ZDHHC21: variants seen among roughly 807,000 people sequenced by gnomAD.
ZDHHC21 encodes the protein palmitoyltransferase ZDHHC21.
Under a neutral mutation model 34.6 loss-of-function variants are expected in ZDHHC21, and 15 were observed. That is an observed-to-expected ratio of 0.43 (90% CI 0.29 to 0.67). The LOEUF is 0.67. ZDHHC21 is among the 30% of genes least tolerant of loss of function. The pLI, the probability that ZDHHC21 is intolerant of heterozygous loss-of-function variation, is 0.14. For synonymous variants in ZDHHC21, 142 were observed against 101.8 expected (o/e 1.40, Z -2.38); for missense variants, 344 against 327.7 (o/e 1.05, Z -0.38).
chr9:14,658,826 C>G lies in ZDHHC21; in HGVS notation c.427G>C (p.Glu143Gln), dbSNP rs1474288615. The G allele has an allele frequency of 6.2e-7, 1 of 1,613,556 alleles. No individual in the cohort carries two copies. Among genetic ancestry groups the G allele is most frequent in the South Asian group, 1.1e-5 (1 of 91,034 alleles). ...ATCAGTGCGTAGCAAGTAAGAAGTT[C>G]AGTGTAGAAACACAACTGCAGAAAG... is the stretch of plus-strand genomic sequence containing the variant. ...WLFLQLCFYT[E>Q]LLTCYALMFS... The change falls in exon 7 of 10, where the codon GAA (glutamate) becomes CAA (glutamine). Residue 143 changes from glutamate to glutamine, a missense_variant. Glu to Gln is a conservative substitution (Grantham distance 29). Transcript: ENST00000380916.
chr9:14,607,212 C>A (rs192894703), downstream of ZDHHC21, among the ~76,000 whole-genome samples: 7 of 151,872 alleles, frequency 4.6e-5, no homozygotes, highest in African/African-American at 1.4e-4. Context: ...GTTTGTGAGG[C>A]CAAGGCGGGC....
chr9:14,677,309 AACTT>A (rs1377434395), intron 3 of ZDHHC21: 1 of 151,942 alleles, frequency 6.6e-6, no homozygotes, highest in Non-Finnish European at 1.5e-5. Flanking sequence ...TGATTGGTAA[AACTT>A]AGCTCCACAT....
rs1208533270 is a variant in ZDHHC21 at position 14,617,087 on chromosome 9, T to C, written c.*1879A>G. The C allele has an allele frequency of 6.6e-6, 1 of 151,958 alleles. No homozygotes were observed. The highest frequency in any genetic ancestry group is 2.4e-5 in the African/African-American group (1 of 41,440). 9.4% of individuals were successfully genotyped at this position (151,958 alleles called of 1,614,324 possible). A position where few individuals can be genotyped will look rare whatever the true frequency, so the allele number is the denominator to read the frequency against. ...TATACAATATAAGGCATTCAACTGA[T>C]ATCTACCTACCTTATCTATATATTA... On this transcript the variant is annotated 3_prime_UTR_variant, in exon 10 of 10. Transcript: ENST00000380916.
chr9:14,676,123 A>G (rs1217447142), intron 3 of ZDHHC21, among the ~76,000 whole-genome samples: 1 of 152,036 alleles, frequency 6.6e-6, no homozygotes, highest in African/African-American at 2.4e-5. Context: ...AAATTACTGA[A>G]GCTCTGGTGT....
the ZDHHC21 span, among the ~76,000 whole-genome samples, chr9:14,605,969 G>A: frequency 2.0e-5 from 3 of 151,926 alleles, no homozygotes; most frequent in Admixed American, 6.6e-5. Flanking sequence ...GGATTCAAGG[G>A]CATAATAGTT....
chr9:14,622,457 G>T, intron 8 of ZDHHC21: 2 of 911,176 alleles, frequency 2.2e-6, no homozygotes, highest in Non-Finnish European at 2.6e-6. Flanking sequence ...ATATCTCTTG[G>T]CTTGATGTTA....
intron 6 of ZDHHC21, among the ~76,000 whole-genome samples, chr9:14,659,169 T>C (rs1416570041): frequency 6.6e-6 from 1 of 152,092 alleles, no homozygotes; most frequent in African/African-American, 2.4e-5. Context: ...CCTGTGTCAC[T>C]GATATGGAAA....
chr9:14,637,915 T>G (rs963153318), intron 8 of ZDHHC21, among the ~76,000 whole-genome samples: 1 of 152,002 alleles, frequency 6.6e-6, no homozygotes, highest in East Asian at 1.9e-4. Context: ...CCCATGATAA[T>G]GGATCAGAAG....
chr9:14,589,334 G>A, the ZDHHC21 span: 2 of 152,170 alleles, frequency 1.3e-5, no homozygotes, highest in Admixed American at 6.5e-5. Context: ...TTGGCTGACA[G>A]GTGGTATAGT....
the ZDHHC21 span, among the ~76,000 whole-genome samples, chr9:14,590,300 G>A: frequency 2.0e-5 from 3 of 152,144 alleles, no homozygotes; most frequent in South Asian, 4.2e-4. Context: ...AGTAAGCTAG[G>A]TGACAATACT....
chr9:14,602,939 A>C, the ZDHHC21 span, among the ~76,000 whole-genome samples: 4 of 150,120 alleles, frequency 2.7e-5, no homozygotes, highest in South Asian at 4.2e-4. Context: ...AAAAAAAAAA[A>C]AAAAAAAAAA....
the ZDHHC21 span, among the ~76,000 whole-genome samples, chr9:14,602,179 G>A: frequency 0.08 from 12,111 of 151,298 alleles, 1,313 homozygotes; most frequent in African/African-American, 0.25. Flanking sequence ...CAGAAATATC[G>A]GAACTGAAGA....
intron 7 of ZDHHC21, among the ~76,000 whole-genome samples, chr9:14,643,646 G>C (rs1284419905): frequency 1.3e-5 from 2 of 152,222 alleles, no homozygotes; most frequent in South Asian, 2.1e-4. Context: ...TAAAAGCTTT[G>C]TTAAGTTTTG....
chr9:14,639,282 T>G (rs1171370261), intron 8 of ZDHHC21, among the ~76,000 whole-genome samples: 1 of 152,078 alleles, frequency 6.6e-6, no homozygotes, highest in Non-Finnish European at 1.5e-5. Context: ...TCATATTTTC[T>G]CACTCATATG....
rs562231549 is a variant in ZDHHC21 at position 14,630,014 on chromosome 9, C to T, written c.621+9882G>A. Among the ~76,000 whole-genome samples the T allele has an allele frequency of 8.5e-5, 13 of 152,256 alleles. No individual in the cohort carries two copies. In the South Asian group the frequency reaches 2.7e-3, roughly 32 times the overall value. On this transcript the variant is annotated intron_variant, in intron 8 of 9. Coordinates refer to ENST00000380916, the MANE Select transcript of ZDHHC21 (RefSeq NM_178566.6). Reference sequence around the variant, plus strand: ...TGAGCCGAGATCACGCCACTGCACGCCAGCCTGGCGACAGAGAGAGACTCC... The same window carrying T: ...TGAGCCGAGATCACGCCACTGCACGTCAGCCTGGCGACAGAGAGAGACTCC...
intron 5 of ZDHHC21, among the ~76,000 whole-genome samples, chr9:14,670,040 A>G (rs1198206898): frequency 2.0e-5 from 3 of 151,952 alleles, no homozygotes; most frequent in African/African-American, 7.2e-5. Context: ...CAAAACAAAC[A>G]AACAAAAAAA....
intron 5 of ZDHHC21, among the ~76,000 whole-genome samples, chr9:14,663,240 C>A (rs1340892809): frequency 6.6e-6 from 1 of 152,082 alleles, no homozygotes; most frequent in Non-Finnish European, 1.5e-5. Flanking sequence ...TTACAAAATT[C>A]TTTTAATTTT....
Position 14,641,756 on chromosome 9 carries a change from C to T in ZDHHC21, c.505-1744G>A, listed in dbSNP as rs543652059. ...GATGCTCACTTCCATAAGAAAACTTCAGGTCTTTCTCAAGGTAAAGTGCCA... is the reference window on the plus strand; with the variant it reads ...GATGCTCACTTCCATAAGAAAACTTTAGGTCTTTCTCAAGGTAAAGTGCCA... On this transcript the variant is annotated intron_variant, in intron 7 of 9. Transcript: ENST00000380916. Among the ~76,000 whole-genome samples the T allele has an allele frequency of 6.6e-5, 10 of 152,292 alleles. No homozygotes were observed. In the South Asian group the frequency reaches 2.1e-3, roughly 32 times the overall value.
chr9:14,640,766 T>C (rs1159084808), intron 7 of ZDHHC21, among the ~76,000 whole-genome samples: 5 of 152,102 alleles, frequency 3.3e-5, no homozygotes, highest in Non-Finnish European at 7.4e-5. Flanking sequence ...AATGCCTAGA[T>C]AGGAGGGAGG....
Sources: allele counts gnomAD v4.1 joint callset (sites outside exome capture counted in the v4.1 genomes callset), GRCh38; gene constraint gnomAD v4.1.1; transcripts MANE v1.5; gene names NCBI Gene and HGNC (gene_info 2026-07-23, HGNC 2026-07-21).